The following SNX29 variants were observed in gnomAD, a reference collection of about 807,000 sequenced individuals.
SNX29 encodes sorting nexin 29.
A neutral mutation model predicts 102.1 loss-of-function variants in SNX29; 78 were observed. That is an observed-to-expected ratio of 0.76 (90% CI 0.64 to 0.92). SNX29 has a LOEUF of 0.92. SNX29 is among the 40% of genes least tolerant of loss of function. SNX29 has a pLI of 0.00. For synonymous variants in SNX29, 580 were observed against 414.5 expected, an observed-to-expected ratio of 1.40 and a Z score of -4.85; for missense variants, 1,280 against 1,061.7, an observed-to-expected ratio of 1.21 and a Z score of -2.86.
intron 18 of SNX29, among the ~76,000 whole-genome samples, chr16:12,439,801 T>C (rs1406136528): frequency 6.6e-6 from 1 of 152,210 alleles, no homozygotes; most frequent in South Asian, 2.1e-4. Context: ...TTCCCACTTT[T>C]CTGCTAGGGC....
intron 14 of SNX29, among the ~76,000 whole-genome samples, chr16:12,267,362 A>C (rs554311387): frequency 6.6e-6 from 1 of 152,134 alleles, no homozygotes; most frequent in African/African-American, 2.4e-5. Context: ...TGGGGTTTTC[A>C]TCACTGGGTT....
intron 18 of SNX29, among the ~76,000 whole-genome samples, chr16:12,465,885 T>C (rs1426947344): frequency 6.6e-6 from 1 of 152,096 alleles, no homozygotes; most frequent in Admixed American, 6.6e-5. Flanking sequence ...CTTTTAAGCA[T>C]ATAGATATTT....
intron 13 of SNX29, among the ~76,000 whole-genome samples, chr16:12,142,867 G>A (rs1017945451): frequency 6.6e-6 from 1 of 151,510 alleles, no homozygotes; most frequent in African/African-American, 2.4e-5. Flanking sequence ...GGCCGATATT[G>A]TTTATTTGTT....
intron 11 of SNX29, among the ~76,000 whole-genome samples, chr16:12,112,603 C>G (rs930957801): frequency 3.3e-5 from 5 of 152,202 alleles, no homozygotes; most frequent in African/African-American, 1.2e-4. Context: ...ACAGCAGCCC[C>G]AAGCGGGAGA....
At position 12,571,768 on chromosome 16, in the gene SNX29, C is replaced by A; in HGVS notation, c.*3139C>A. On this transcript the variant is annotated 3_prime_UTR_variant, in exon 21 of 21. Coordinates refer to ENST00000566228, the MANE Select transcript of SNX29 (RefSeq NM_032167.5). ...CCAACCATCCACTCCTGATCTGAGACAGAACCTTCTCCGCCACTCTTCCTG... is the reference window on the plus strand; with the variant it reads ...CCAACCATCCACTCCTGATCTGAGAAAGAACCTTCTCCGCCACTCTTCCTG... 1 of 1,009,602 alleles carries A rather than the reference C, an allele frequency of 9.9e-7. No individual in the cohort carries two copies. The highest frequency in any genetic ancestry group is 1.2e-6 in the Non-Finnish European group (1 of 829,516). 62.5% of individuals were successfully genotyped at this position (1,009,602 alleles called of 1,614,324 possible).
At chr16:12,462,439 A>G (rs1316405028) in intron 18 of SNX29, among the ~76,000 whole-genome samples, 1 of 152,172 alleles carries the variant, frequency 6.6e-6, no homozygotes, top group Non-Finnish European at 1.5e-5. Flanking sequence ...AATAGCATTT[A>G]ATTTTTCTGT....
intron 11 of SNX29, among the ~76,000 whole-genome samples, chr16:12,081,065 T>C (rs2051850910): frequency 6.6e-6 from 1 of 152,180 alleles, no homozygotes; most frequent in Non-Finnish European, 1.5e-5. Flanking sequence ...CTACTGTAAA[T>C]GGAGAGTCAC....
intron 4 of SNX29, among the ~76,000 whole-genome samples, chr16:12,030,619 TG>T (rs1164442232): frequency 6.6e-6 from 1 of 152,214 alleles, no homozygotes; most frequent in East Asian, 1.9e-4. Context: ...CCTTCAGTCT[TG>T]ATCAGCTCTG....
intron 12 of SNX29, among the ~76,000 whole-genome samples, chr16:12,129,007 G>C (rs1178071565): frequency 2.0e-5 from 3 of 152,152 alleles, no homozygotes; most frequent in African/African-American, 7.2e-5. Context: ...CCCTGTTGGA[G>C]GGTTAACAAA....
rs545203793 is a variant in SNX29 at position 12,149,025 on chromosome 16, G to A, written c.1595+19267G>A. Among the ~76,000 whole-genome samples, 13 of 152,252 alleles carry A rather than the reference G, an allele frequency of 8.5e-5. No homozygotes were observed. The South Asian group carries it at 1.7e-3, about 19-fold the overall frequency. On this transcript the variant is annotated intron_variant, in intron 13 of 20. Transcript: ENST00000566228. ...CCTGCCTTCGTCTCATTAGTTCACCGATAGATCTATTCCAAGGAGCCTGGA... is the reference window on the plus strand; with the variant it reads ...CCTGCCTTCGTCTCATTAGTTCACCAATAGATCTATTCCAAGGAGCCTGGA...
chr16:12,279,046 T>C lies in SNX29; in HGVS notation c.1782+1010T>C, dbSNP rs192228749. Among the ~76,000 whole-genome samples the C allele has an allele frequency of 5.3e-5, 8 of 152,348 alleles. No homozygotes were observed. In the East Asian group the frequency reaches 1.5e-3, roughly 29 times the overall value. On this transcript the variant is annotated intron_variant, in intron 15 of 20. Transcript: ENST00000566228. The stretch of plus-strand genomic sequence containing the variant: ...ATATTCAATGGTAAAGTTGAGAAGC[T>C]ATGTTTTTGATGAGGTGTGTGTACA...
chr16:12,372,760 C>G (rs1364712638), intron 16 of SNX29: 1 of 152,128 alleles, frequency 6.6e-6, no homozygotes, highest in Non-Finnish European at 1.5e-5. Context: ...GAAGATGGGC[C>G]TGTTAGGCAG....
At chr16:12,535,010 C>T (rs1177242527) in intron 20 of SNX29, among the ~76,000 whole-genome samples, 2 of 152,164 alleles carry the variant, frequency 1.3e-5, no homozygotes, top group African/African-American at 2.4e-5. Context: ...CAGACCTGGC[C>T]TGAGAAGCTG....
chr16:12,463,462 A>G (rs2086902890), intron 18 of SNX29, among the ~76,000 whole-genome samples: 1 of 152,232 alleles, frequency 6.6e-6, no homozygotes, highest in Non-Finnish European at 1.5e-5. Context: ...GGCGGCAGGC[A>G]AAGAAAGCTT....
chr16:12,527,471 C>G (rs1215135301), intron 20 of SNX29: 1 of 427,748 alleles, frequency 2.3e-6, no homozygotes, highest in Non-Finnish European at 4.4e-6. Context: ...GATTTAGGAT[C>G]CAAAAAGTCC....
At chr16:12,263,965 A>T (rs531384402) in intron 14 of SNX29, among the ~76,000 whole-genome samples, 3 of 152,220 alleles carry the variant, frequency 2.0e-5, no homozygotes, top group African/African-American at 7.2e-5. Flanking sequence ...GACTTCAATG[A>T]CCTCCACCAC....
chr16:12,224,375 T>G (rs2077556123), intron 14 of SNX29, among the ~76,000 whole-genome samples: 1 of 152,108 alleles, frequency 6.6e-6, no homozygotes, highest in Non-Finnish European at 1.5e-5. Context: ...CCCCGGTGGA[T>G]GCCATGATGC....
chr16:12,387,869 T>A (rs1281750932), intron 16 of SNX29, among the ~76,000 whole-genome samples: 1 of 152,184 alleles, frequency 6.6e-6, no homozygotes, highest in Admixed American at 6.5e-5. Flanking sequence ...GTGGCATTCT[T>A]TCTTGTGACT....
At position 12,048,270 on chromosome 16, in the gene SNX29, G is replaced by A. The variant is rs1403589837; in HGVS notation, c.500-102G>A. 1.6e-5 allele frequency: 24 copies of A among 1,540,560 alleles called. No homozygotes were observed. The South Asian group carries it at 1.8e-4, about 12-fold the overall frequency. On this transcript the variant is annotated intron_variant, in intron 6 of 20. Transcript: ENST00000566228. Reference sequence around the variant, plus strand: ...ATTTTTATACCTATTTAAGATCAACGTGCCTCCTCTTCTGTACTCTGTTGT... The same window carrying A: ...ATTTTTATACCTATTTAAGATCAACATGCCTCCTCTTCTGTACTCTGTTGT...
Sources: allele counts gnomAD v4.1 joint callset (sites outside exome capture counted in the v4.1 genomes callset), GRCh38; gene constraint gnomAD v4.1.1; transcripts MANE v1.5; gene names NCBI Gene and HGNC (gene_info 2026-07-23, HGNC 2026-07-21).